ZNF148: variants seen among roughly 807,000 people sequenced by gnomAD.
ZNF148 encodes the protein zinc finger protein 148, also known as Beta-Enolase Repressor Factor-1.
ZNF148 carries 7 observed loss-of-function variants against 67.7 expected under a neutral mutation model. The observed-to-expected ratio is 0.10, with a 90% CI of 0.06 to 0.19. The LOEUF is 0.19. Among genes scored for constraint, ZNF148 ranks in the 10% least tolerant of loss-of-function variants. The pLI is 1.00. For missense variants in ZNF148, 583 were observed against 947.1 expected, an observed-to-expected ratio of 0.62 and a Z score of 5.05; for synonymous variants, 333 against 330.7, an observed-to-expected ratio of 1.01 and a Z score of -0.08.
At chr3:125,285,741 C>T (rs2061085) in intron 5 of ZNF148, among the ~76,000 whole-genome samples, 12,498 of 152,058 alleles carry the variant, frequency 0.082, 611 homozygotes, top group Non-Finnish European at 0.098. Flanking sequence ...TTTCTAGTCA[C>T]TTCATCTTCC....
Position 125,232,464 on chromosome 3 carries a change from C to G in ZNF148, c.2262G>C (p.Gln754His). The G allele has an allele frequency of 1.2e-6, 2 of 1,613,658 alleles. No homozygotes were observed. Among genetic ancestry groups the G allele is most frequent in the Non-Finnish European group, 1.7e-6 (2 of 1,179,754 alleles). Residue 754 changes from glutamine (Q) to histidine (H), a missense_variant, in exon 9 of 9, where the codon CAG (glutamine) becomes CAC (histidine). Coordinates refer to ENST00000360647, the MANE Select transcript of ZNF148 (RefSeq NM_021964.3). This position sits in a 1 kb window ranked among gnomAD's most constrained non-coding sequence, Gnocchi z 4.2. Reference sequence around the variant, plus strand: ...TTGTCCCTGGTCCCCGAAGGTTCACCTGTCCATTGGCAGTGCTAAATTGAG... The same window carrying G: ...TTGTCCCTGGTCCCCGAAGGTTCACGTGTCCATTGGCAGTGCTAAATTGAG... ...IATQFSTANG[Q>H]VNLRGPGTSA...
chr3:125,330,507 T>A (rs9880725), intron 2 of ZNF148, among the ~76,000 whole-genome samples: 8,942 of 146,756 alleles, frequency 0.061, 998 homozygotes, highest in African/African-American at 0.23. Context: ...AAAAACAAAT[T>A]TTAAAATGCA....
At chr3:125,316,030 C>T (rs748129431) in intron 3 of ZNF148, among the ~76,000 whole-genome samples, 16 of 152,268 alleles carry the variant, frequency 1.1e-4, no homozygotes, top group South Asian at 4.1e-4. Flanking sequence ...TAACTATCCC[C>T]TTTTACTCTC....
intron 7 of ZNF148, among the ~76,000 whole-genome samples, chr3:125,241,600 ATTCT>A (rs1252992114): frequency 2.0e-5 from 3 of 152,204 alleles, no homozygotes; most frequent in African/African-American, 7.2e-5. Context: ...GAATTAGCTC[ATTCT>A]TTCTGACAGC....
intron 7 of ZNF148, among the ~76,000 whole-genome samples, chr3:125,240,086 T>C (rs1560106682): frequency 6.6e-6 from 1 of 152,238 alleles, no homozygotes; most frequent in Non-Finnish European, 1.5e-5. Flanking sequence ...TCTGAAATTG[T>C]GAATTATATC....
At chr3:125,369,600 C>T (rs374317700) in intron 1 of ZNF148, among the ~76,000 whole-genome samples, 2 of 151,698 alleles carry the variant, frequency 1.3e-5, no homozygotes, top group South Asian at 2.1e-4. Context: ...AAATGACCAC[C>T]GAAATATAAA....
intron 1 of ZNF148, among the ~76,000 whole-genome samples, chr3:125,367,817 G>T (rs1942747277): frequency 1.3e-5 from 2 of 152,156 alleles, no homozygotes; most frequent in Admixed American, 1.3e-4. Flanking sequence ...TGGGGTACAG[G>T]CTCATAAAAG....
At chr3:125,373,123 A>G (rs966519635) in intron 1 of ZNF148, among the ~76,000 whole-genome samples, 8 of 151,572 alleles carry the variant, frequency 5.3e-5, no homozygotes, top group African/African-American at 1.9e-4. Flanking sequence ...CCATGATGAC[A>G]ATAAAATTGA....
chr3:125,276,050 A>C (rs189405128), intron 7 of ZNF148, among the ~76,000 whole-genome samples: 175 of 152,324 alleles, frequency 1.1e-3, no homozygotes, highest in Non-Finnish European at 2.1e-3. Context: ...ACAAGAACGT[A>C]AACTCCAAAG....
intron 1 of ZNF148, among the ~76,000 whole-genome samples, chr3:125,363,746 T>C (rs1942616797): frequency 6.6e-6 from 1 of 151,748 alleles, no homozygotes; most frequent in South Asian, 2.1e-4. Context: ...GCCTTCTGGG[T>C]TCAAGTCATT....
At chr3:125,345,943 T>G (rs560715152) in intron 1 of ZNF148, among the ~76,000 whole-genome samples, 2 of 152,302 alleles carry the variant, frequency 1.3e-5, no homozygotes, top group Non-Finnish European at 2.9e-5. Flanking sequence ...TCACAAACTC[T>G]TCCCAAAACT....
intron 4 of ZNF148, among the ~76,000 whole-genome samples, chr3:125,312,860 T>TA (rs952988811): frequency 1.3e-5 from 2 of 152,014 alleles, no homozygotes; most frequent in Non-Finnish European, 1.5e-5. Flanking sequence ...TTTAAAAAGA[T>TA]AAACAGATCA....
At chr3:125,351,019 T>G (rs772212319) in intron 1 of ZNF148, among the ~76,000 whole-genome samples, 2 of 151,980 alleles carry the variant, frequency 1.3e-5, no homozygotes, top group African/African-American at 2.4e-5. Context: ...AGTAAAACAA[T>G]GGTTGCCAGG....
At chr3:125,301,829 C>T (rs1389132909) in intron 4 of ZNF148, among the ~76,000 whole-genome samples, 2 of 152,048 alleles carry the variant, frequency 1.3e-5, no homozygotes, top group African/African-American at 2.4e-5. Context: ...TCTGGGAGGC[C>T]GAGGTGGGTG....
At chr3:125,330,570 G>A (rs1048389000) in intron 2 of ZNF148, among the ~76,000 whole-genome samples, 1 of 150,280 alleles carries the variant, frequency 6.7e-6, no homozygotes, top group African/African-American at 2.5e-5. Context: ...GCTCACACCT[G>A]TAATCCTAGC....
In ZNF148 at chr3:125,233,503, T is replaced by C; in HGVS notation, c.1223A>G (p.Asn408Ser). The C allele has an allele frequency of 6.2e-7, 1 of 1,613,934 alleles. No individual in the cohort carries two copies. Among genetic ancestry groups the C allele is most frequent in the Non-Finnish European group, 8.5e-7 (1 of 1,179,930 alleles). Reference protein sequence around the residue: ...KRSLKQPLEQNQTISPLSTYE... With the variant: ...KRSLKQPLEQSQTISPLSTYE... Reference sequence around the variant, plus strand: ...TGTGGATAAAGGTGAAATTGTTTGATTTTGCTCCAGTGGCTGTTTCAGACT... The same window carrying C: ...TGTGGATAAAGGTGAAATTGTTTGACTTTGCTCCAGTGGCTGTTTCAGACT... Residue 408 changes from asparagine to serine, a missense_variant, in exon 9 of 9, where the codon AAT becomes AGT. By Grantham distance (46) the Asn-to-Ser change is conservative. Coordinates refer to ENST00000360647, the MANE Select transcript of ZNF148 (RefSeq NM_021964.3). The surrounding 1 kb of genome is among the most constrained non-coding windows in gnomAD (Gnocchi z 5.1).
intron 7 of ZNF148, among the ~76,000 whole-genome samples, chr3:125,244,527 C>T (rs1936509189): frequency 6.6e-6 from 1 of 151,394 alleles, no homozygotes; most frequent in African/African-American, 2.4e-5. Flanking sequence ...GACGGAGTTT[C>T]GCTCTTGTCC....
chr3:125,309,575 G>A (rs564082965), intron 4 of ZNF148, among the ~76,000 whole-genome samples: 23 of 149,540 alleles, frequency 1.5e-4, no homozygotes, highest in Non-Finnish European at 2.7e-4. Flanking sequence ...AAATGGTGGC[G>A]AAAGGGGCTG....
intron 7 of ZNF148, among the ~76,000 whole-genome samples, chr3:125,247,062 GT>G (rs1471516987): frequency 6.6e-6 from 1 of 152,184 alleles, no homozygotes; most frequent in Non-Finnish European, 1.5e-5. Context: ...ACAAAGACAT[GT>G]CAATGTCAGT....
Sources: allele counts gnomAD v4.1 joint callset (sites outside exome capture counted in the v4.1 genomes callset), GRCh38; gene constraint gnomAD v4.1.1; non-coding constraint Gnocchi (gnomAD v3.1); transcripts MANE v1.5; gene names NCBI Gene and HGNC (gene_info 2026-07-23, HGNC 2026-07-21).